Variants in LHFPL2 observed in about 807,000 individuals in gnomAD.
LHFPL2 encodes LHFPL tetraspan subfamily member 2 protein.
Under a neutral mutation model 17.5 loss-of-function variants are expected in LHFPL2, and 7 were observed. That is an observed-to-expected ratio of 0.40 (90% CI 0.23 to 0.75). The LOEUF (loss-of-function observed/expected upper bound fraction) is 0.75. Ranked by LOEUF, LHFPL2 falls within the 30% of genes least tolerant of loss-of-function variation. LHFPL2 has a pLI of 0.37. For synonymous variants in LHFPL2, 134 were observed against 116.2 expected, an observed-to-expected ratio of 1.15 and a Z score of -0.99; for missense variants, 241 against 294.8, an observed-to-expected ratio of 0.82 and a Z score of 1.34.
intron 2 of LHFPL2, among the ~76,000 whole-genome samples, chr5:78,624,132 A>G (rs1744953302): frequency 6.6e-6 from 1 of 152,232 alleles, no homozygotes; most frequent in Non-Finnish European, 1.5e-5. Context: ...AGAGCCTGCC[A>G]GCTTTAGATC....
intron 3 of LHFPL2, among the ~76,000 whole-genome samples, chr5:78,559,749 C>T (rs1027354345): frequency 6.6e-6 from 1 of 152,146 alleles, no homozygotes; most frequent in Non-Finnish European, 1.5e-5. Context: ...CTTCCTATAC[C>T]TATTGACTGC....
At chr5:78,621,794 A>T (rs1744864499) in intron 2 of LHFPL2, among the ~76,000 whole-genome samples, 1 of 152,126 alleles carries the variant, frequency 6.6e-6, no homozygotes, top group Non-Finnish European at 1.5e-5. Context: ...CAGGCCTGTT[A>T]ATGGTGTGTG....
chr5:78,616,724 G>T (rs1350573247), intron 2 of LHFPL2, among the ~76,000 whole-genome samples: 1 of 152,124 alleles, frequency 6.6e-6, no homozygotes, highest in Non-Finnish European at 1.5e-5. Context: ...CAACACCTCA[G>T]TCAACAGTTC....
In LHFPL2 at chr5:78,509,913, C is replaced by A. The variant is rs1161179085; in HGVS notation, c.301G>T (p.Ala101Ser). The A allele has an allele frequency of 2.5e-6, 4 of 1,613,490 alleles. No individual in the cohort carries two copies. The highest frequency in any genetic ancestry group is 3.4e-6 in the Non-Finnish European group (4 of 1,180,040). ...AAGATTCCCACAGCCAGGAAAATAG[C>A]TGTGGCCTGCCAGAAGCCGCTGGCG... ...EIASGFWQATAIFLAVGIFIL... is the reference protein window; with the variant it reads ...EIASGFWQATSIFLAVGIFIL... Residue 101 changes from alanine (A) to serine (S), a missense_variant, in exon 4 of 5, where the codon GCT (alanine) becomes TCT (serine). Coordinates refer to ENST00000380345, the MANE Select transcript of LHFPL2 (RefSeq NM_005779.3).
chr5:78,594,232 C>T (rs954669693), intron 2 of LHFPL2, among the ~76,000 whole-genome samples: 3 of 152,142 alleles, frequency 2.0e-5, no homozygotes, highest in Non-Finnish European at 2.9e-5. Context: ...TAAAGACATT[C>T]GGCCCTATGT....
intron 3 of LHFPL2, 27 bp from the exon 4 acceptor site, chr5:78,510,425 GCGCCGCCAGGCCCCGCCCCGCCTTCC>G: frequency 2.0e-6 from 1 of 503,668 alleles, no homozygotes. Context: ...GCGGTTAGCA[GCGCCGCCAGGCCCCGCCCCGCCTTCC>G]CGCCGCGCAG....
intron 3 of LHFPL2, among the ~76,000 whole-genome samples, chr5:78,512,923 T>A (rs551503669): frequency 6.6e-6 from 1 of 152,062 alleles, no homozygotes; most frequent in Admixed American, 6.5e-5. Context: ...CCTGGCTAAA[T>A]TTTTGTATTT....
chr5:78,576,034 G>A (rs1198281909), intron 2 of LHFPL2, among the ~76,000 whole-genome samples: 2 of 152,160 alleles, frequency 1.3e-5, no homozygotes, highest in African/African-American at 2.4e-5. Flanking sequence ...AGTGGCTCAC[G>A]CCTGTAATCC....
At chr5:78,647,741 G>C (rs1476434232) in intron 1 of LHFPL2, among the ~76,000 whole-genome samples, 7 of 151,908 alleles carry the variant, frequency 4.6e-5, no homozygotes, top group Admixed American at 1.3e-4. Flanking sequence ...TGACCATCCT[G>C]AAATAACAGA....
At chr5:78,542,353 G>A (rs905914210) in intron 3 of LHFPL2, among the ~76,000 whole-genome samples, 4 of 152,110 alleles carry the variant, frequency 2.6e-5, no homozygotes, top group African/African-American at 4.8e-5. Context: ...ACATCCAAGC[G>A]CCCTTGTCCC....
At position 78,510,145 on chromosome 5, in the gene LHFPL2, G is replaced by C. The variant is rs140766090; in HGVS notation, c.69C>G (p.Ala23=). ...CTGCACTCATGAAGGCAATGAGCTCGGCAAAAGCCACCACAATACTCAGCA... is the reference window on the plus strand; with the variant it reads ...CTGCACTCATGAAGGCAATGAGCTCCGCAAAAGCCACCACAATACTCAGCA... The part of the protein sequence containing the change: ...WTLLSIVVAF[A]ELIAFMSADW... Residue 23 remains alanine, a synonymous_variant, in exon 4 of 5, where the codon GCC becomes GCG. Transcript: ENST00000380345. The C allele has an allele frequency of 1.2e-5, 19 of 1,612,744 alleles. No individual in the cohort carries two copies. The South Asian group carries it at 1.9e-4, about 16-fold the overall frequency.
chr5:78,570,272 A>C (rs1756962023), intron 2 of LHFPL2, among the ~76,000 whole-genome samples: 1 of 152,238 alleles, frequency 6.6e-6, no homozygotes, highest in Admixed American at 6.5e-5. Context: ...GCTATGTAGA[A>C]GAAAGAAATA....
intron 4 of LHFPL2, chr5:78,494,412 T>G: frequency 1.0e-6 from 1 of 985,414 alleles, no homozygotes; most frequent in Non-Finnish European, 1.2e-6. Flanking sequence ...GTAACAATTT[T>G]CATAACCTTA....
At chr5:78,550,012 A>G (rs1756394940) in intron 3 of LHFPL2, among the ~76,000 whole-genome samples, 1 of 152,246 alleles carries the variant, frequency 6.6e-6, no homozygotes, top group South Asian at 2.1e-4. Context: ...GAGCATTGAC[A>G]GAAGTCTTGA....
intron 3 of LHFPL2, among the ~76,000 whole-genome samples, chr5:78,528,505 A>G (rs900830545): frequency 6.6e-6 from 1 of 152,240 alleles, no homozygotes; most frequent in African/African-American, 2.4e-5. Flanking sequence ...CCCATCATAC[A>G]TAGAAAAATT....
At chr5:78,517,386 T>C (rs1755323973) in intron 3 of LHFPL2, among the ~76,000 whole-genome samples, 1 of 152,248 alleles carries the variant, frequency 6.6e-6, no homozygotes, top group Non-Finnish European at 1.5e-5. Flanking sequence ...CCAATTAATC[T>C]ACCTCTGGCC....
At chr5:78,561,095 G>C (rs1292301542) in intron 3 of LHFPL2, among the ~76,000 whole-genome samples, 1 of 152,094 alleles carries the variant, frequency 6.6e-6, no homozygotes, top group Non-Finnish European at 1.5e-5. Flanking sequence ...TCAAAATCTT[G>C]TGTATTTTGC....
chr5:78,544,610 G>A (rs549457377), intron 3 of LHFPL2, among the ~76,000 whole-genome samples: 2 of 152,146 alleles, frequency 1.3e-5, no homozygotes, highest in Non-Finnish European at 2.9e-5. Flanking sequence ...TCAAGTAGCT[G>A]ATCTGTGCGG....
At position 78,527,274 on chromosome 5, in the gene LHFPL2, T is replaced by G. The variant is rs146368741; in HGVS notation, c.-185-16876A>C. ...AGACAGGAAAACAAACGAACCCAGT[T>G]ACTATGTTTTTAACTCAGTTCTGTC... On this transcript the variant is annotated intron_variant, in intron 3 of 4. Transcript: ENST00000380345. Among the ~76,000 whole-genome samples the G allele has an allele frequency of 2.6e-5, 4 of 151,936 alleles. No homozygotes were observed. In the East Asian group the frequency reaches 7.7e-4, roughly 29 times the overall value.
Sources: allele counts gnomAD v4.1 joint callset (sites outside exome capture counted in the v4.1 genomes callset), GRCh38; gene constraint gnomAD v4.1.1; transcripts MANE v1.5; gene names NCBI Gene and HGNC (gene_info 2026-07-23, HGNC 2026-07-21).